WDR26: variants seen among roughly 807,000 people sequenced by gnomAD.
The protein encoded by WDR26 is WD repeat domain 26.
A neutral mutation model predicts 84.1 loss-of-function variants in WDR26; 5 were observed. The observed-to-expected ratio is 0.06, with a 90% CI of 0.03 to 0.13. The LOEUF (loss-of-function observed/expected upper bound fraction) is 0.13, where lower values mean the gene tolerates loss of function less well. Ranked by LOEUF, WDR26 falls within the 10% of genes least tolerant of loss-of-function variation. WDR26 has a pLI of 1.00. For missense variants in WDR26, 642 were observed against 974.9 expected (o/e 0.66, Z 4.55); for synonymous variants, 415 against 389.6 (o/e 1.07, Z -0.77).
At chr1:224,397,774 A>G (rs1240882654) in intron 12 of WDR26, 1 of 216,386 alleles carries the variant, frequency 4.6e-6, no homozygotes, top group Non-Finnish European at 9.0e-6. Flanking sequence ...AAAGTATAAT[A>G]ATTTAACTAA....
At chr1:224,415,363 G>A (rs993404991) in intron 6 of WDR26, among the ~76,000 whole-genome samples, 1 of 151,618 alleles carries the variant, frequency 6.6e-6, no homozygotes, top group Admixed American at 6.6e-5. Flanking sequence ...GATAAATTCT[G>A]TAGCTCTGGC....
At chr1:224,392,537 G>A (rs568937398) in intron 13 of WDR26, among the ~76,000 whole-genome samples, 1 of 152,272 alleles carries the variant, frequency 6.6e-6, no homozygotes, top group African/African-American at 2.4e-5. Context: ...CTTTGGGTTT[G>A]TAGGCCTTTG....
chr1:224,418,328 T>C lies in WDR26; in HGVS notation c.1251A>G (p.Leu417=), dbSNP rs542538921. The C allele has an allele frequency of 3.7e-6, 6 of 1,613,562 alleles. No homozygotes were observed. The Admixed American group carries it at 5.0e-5, about 13-fold the overall frequency. The change falls in exon 6 of 14, where the codon CTA becomes CTG. Residue 417 remains leucine, a synonymous_variant. Coordinates refer to ENST00000414423, the MANE Select transcript of WDR26 (RefSeq NM_001379403.1). ...TATTATCAAGTTTGGTATTGTGATATAGGCACCGATCCCTTTGTAGTTCCA... is the reference window on the plus strand; with the variant it reads ...TATTATCAAGTTTGGTATTGTGATACAGGCACCGATCCCTTTGTAGTTCCA...
chr1:224,413,206 AACC>A, intron 6 of WDR26: 4 of 786,248 alleles, frequency 5.1e-6, no homozygotes, highest in Non-Finnish European at 6.6e-6. Context: ...CAACAACAAA[AACC>A]CCCCCCCCCA....
chr1:224,434,724 C>T lies in WDR26; in HGVS notation c.-319G>A. 1.0e-6 allele frequency: 1 copy of T among 982,264 alleles called. No homozygotes were observed. The highest frequency in any genetic ancestry group is 1.2e-6 in the Non-Finnish European group (1 of 827,246). The allele number at this position is 982,264 out of a possible 1,614,324, so 60.8% of individuals were successfully genotyped here. ...CGGCGGCGGGCGGCAGCGGAGGCAG[C>T]TGCCGCCTCTGTCCTCGGATCCGCT... is the stretch of plus-strand genomic sequence containing the variant. On this transcript the variant is annotated 5_prime_UTR_variant, in exon 1 of 14. Transcript: ENST00000414423.
chr1:224,392,090 G>A (rs900281147), intron 13 of WDR26, among the ~76,000 whole-genome samples: 9 of 151,992 alleles, frequency 5.9e-5, no homozygotes, highest in African/African-American at 2.2e-4. Flanking sequence ...GGCTGGTCGC[G>A]GTGGCTCATG....
chr1:224,386,728 C>G lies in WDR26; in HGVS notation c.*3107G>C, dbSNP rs1673000954. 1 of 151,824 alleles carries G rather than the reference C, an allele frequency of 6.6e-6. No individual in the cohort carries two copies. The allele number at this position is 151,824 out of a possible 1,614,324, so 9.4% of individuals were successfully genotyped here. On this transcript the variant is annotated 3_prime_UTR_variant, in exon 14 of 14. Coordinates refer to ENST00000414423, the MANE Select transcript of WDR26 (RefSeq NM_001379403.1). The stretch of plus-strand genomic sequence containing the variant: ...AAGTTAGGGAATCCCTTTTTTATCC[C>G]CCCACCCAATAAAATGGGCCAATTT...
chr1:224,423,080 C>T (rs1026154790), intron 4 of WDR26, among the ~76,000 whole-genome samples: 2 of 152,094 alleles, frequency 1.3e-5, no homozygotes, highest in Admixed American at 6.5e-5. Flanking sequence ...TATAGAAATA[C>T]CATTATTCTT....
At chr1:224,411,714 T>G (rs2102905561) in intron 6 of WDR26, 149 bp from the exon 7 acceptor site, 1 of 935,324 alleles carries the variant, frequency 1.1e-6, no homozygotes, top group South Asian at 2.0e-5. Context: ...CTTTTTTTTT[T>G]TTTTGAGACA....
In WDR26 at chr1:224,419,608, T is replaced by C; in HGVS notation, c.1072A>G (p.Met358Val). The change falls in exon 5 of 14, where the codon ATG becomes GTG. Residue 358 changes from methionine (M) to valine (V), a missense_variant. Met to Val is a conservative substitution (Grantham distance 21). This residue lies in a region of WDR26 where 351 missense variants were observed against 672.8 expected (regional missense o/e 0.52). Coordinates refer to ENST00000414423, the MANE Select transcript of WDR26 (RefSeq NM_001379403.1). ...CGTAGGTCTTCTGCATGGCTACACA[T>C]CAGATACCTAAAAATACAACAGAGA... 6.2e-7 allele frequency: 1 copy of C among 1,612,396 alleles called. No homozygotes were observed. Among genetic ancestry groups the C allele is most frequent in the Non-Finnish European group, 8.5e-7 (1 of 1,178,524 alleles).
intron 13 of WDR26, 110 bp downstream of exon 13, chr1:224,393,718 A>T (rs1190705757): frequency 4.4e-6 from 4 of 914,704 alleles, no homozygotes; most frequent in Non-Finnish European, 6.3e-6. Flanking sequence ...AAAAGAGAGA[A>T]ATCATATACC....
At chr1:224,421,722 G>C (rs1674070070) in intron 4 of WDR26, among the ~76,000 whole-genome samples, 1 of 152,142 alleles carries the variant, frequency 6.6e-6, no homozygotes, top group Non-Finnish European at 1.5e-5. Context: ...TTGAGCACAG[G>C]AGTTCAAGAC....
intron 1 of WDR26, 107 bp from the exon 2 acceptor site, chr1:224,431,888 C>A: frequency 4.8e-6 from 4 of 833,884 alleles, no homozygotes; most frequent in Non-Finnish European, 6.7e-6. Context: ...AAGCTAGCCT[C>A]ATGATGAAGA....
chr1:224,397,435 C>G (rs1333281586), intron 12 of WDR26, among the ~76,000 whole-genome samples: 4 of 152,226 alleles, frequency 2.6e-5, no homozygotes, highest in African/African-American at 9.7e-5. Flanking sequence ...ATTTTTATTA[C>G]TGCCTCACTT....
At chr1:224,399,747 TAA>T (rs1673358554) in intron 9 of WDR26, among the ~76,000 whole-genome samples, 1 of 152,230 alleles carries the variant, frequency 6.6e-6, no homozygotes, top group African/African-American at 2.4e-5. Context: ...CAAACGAGCT[TAA>T]TAAAAGAAAC....
At chr1:224,397,953 CAG>C in intron 12 of WDR26, 142 bp downstream of exon 12, 1 of 974,388 alleles carries the variant, frequency 1.0e-6, no homozygotes, top group Non-Finnish European at 1.5e-6. Context: ...TAGGTCATTA[CAG>C]AGAGAAATTA....
chr1:224,419,404 T>C lies in WDR26; in HGVS notation c.1162+114A>G, dbSNP rs1383982765. The C allele has an allele frequency of 6.0e-6, 5 of 828,938 alleles. No individual in the cohort carries two copies. The South Asian group carries it at 7.5e-5, about 13-fold the overall frequency. 51.3% of individuals were successfully genotyped at this position (828,938 alleles called of 1,614,324 possible). On this transcript the variant is annotated intron_variant, in intron 5 of 13. Coordinates refer to ENST00000414423, the MANE Select transcript of WDR26 (RefSeq NM_001379403.1). ...CTGAAAAACTGGATTCTCCCTCTTCTAAGCACTCAATAAAAGTATGTCCAG... is the reference window on the plus strand; with the variant it reads ...CTGAAAAACTGGATTCTCCCTCTTCCAAGCACTCAATAAAAGTATGTCCAG...
At chr1:224,424,255 T>C (rs1674149283) in intron 4 of WDR26, among the ~76,000 whole-genome samples, 1 of 152,188 alleles carries the variant, frequency 6.6e-6, no homozygotes. Context: ...TGGAATGTAA[T>C]AGGGTTTTCA....
At chr1:224,433,050 T>C (rs1352679182) in intron 1 of WDR26, among the ~76,000 whole-genome samples, 2 of 152,232 alleles carry the variant, frequency 1.3e-5, no homozygotes, top group Non-Finnish European at 1.5e-5. Context: ...GTTAGGCCTC[T>C]TGTACACACA....
Sources: allele counts gnomAD v4.1 joint callset (sites outside exome capture counted in the v4.1 genomes callset), GRCh38; gene constraint gnomAD v4.1.1; regional missense constraint gnomAD v4.1.1; transcripts MANE v1.5; gene names NCBI Gene and HGNC (gene_info 2026-07-23, HGNC 2026-07-21).